The following WARS2 variants were observed in gnomAD, a reference collection of about 807,000 sequenced individuals.
The protein encoded by WARS2 is tryptophan--tRNA ligase, mitochondrial.
A neutral mutation model predicts 36.5 loss-of-function variants in WARS2; 28 were observed. That is an observed-to-expected ratio of 0.77 (90% CI 0.57 to 1.05). The LOEUF is 1.05. WARS2 is among the 50% of genes least tolerant of loss of function. The pLI is 0.00. For synonymous variants in WARS2, 174 were observed against 178.4 expected (o/e 0.98, Z 0.20); for missense variants, 435 against 456.8 (o/e 0.95, Z 0.44).
chr1:119,094,338 C>T (rs1204017486), intron 1 of WARS2, among the ~76,000 whole-genome samples: 1 of 152,062 alleles, frequency 6.6e-6, no homozygotes, highest in Non-Finnish European at 1.5e-5. Flanking sequence ...TGCGCTATTT[C>T]AACTTCCATG....
At chr1:119,061,883 T>C (rs993660799) in intron 2 of WARS2, among the ~76,000 whole-genome samples, 3 of 152,270 alleles carry the variant, frequency 2.0e-5, no homozygotes, top group Non-Finnish European at 2.9e-5. Context: ...CTAGGCAACA[T>C]TGCTTATGAT....
chr1:119,140,215 G>A (rs997900961), intron 1 of WARS2: 1 of 221,056 alleles, frequency 4.5e-6, no homozygotes, highest in African/African-American at 2.3e-5. Context: ...CACAAGAAGA[G>A]CAGTCTCTAA....
chr1:119,042,191 C>T (rs1648426037), intron 4 of WARS2, 73 bp downstream of exon 4: 1 of 1,418,450 alleles, frequency 7.0e-7, no homozygotes, highest in Non-Finnish European at 9.9e-7. Flanking sequence ...TGAACCAAGT[C>T]TGTATTGAAT....
At chr1:119,047,036 C>A (rs1296882731) in intron 2 of WARS2, among the ~76,000 whole-genome samples, 1 of 152,114 alleles carries the variant, frequency 6.6e-6, no homozygotes, top group African/African-American at 2.4e-5. Flanking sequence ...TTTTGCAAGT[C>A]CCTGGGCTGA....
intron 2 of WARS2, among the ~76,000 whole-genome samples, chr1:119,056,131 G>A (rs1021354105): frequency 2.0e-5 from 3 of 148,380 alleles, no homozygotes; most frequent in Non-Finnish European, 3.0e-5. Flanking sequence ...CGATTCTCCT[G>A]CCTTAGCCCC....
chr1:119,065,042 T>A (rs1015439919), intron 2 of WARS2, among the ~76,000 whole-genome samples: 16 of 152,142 alleles, frequency 1.1e-4, no homozygotes, highest in Admixed American at 9.8e-4. Flanking sequence ...TTGATTAATA[T>A]GTAATGACAT....
intron 4 of WARS2, among the ~76,000 whole-genome samples, chr1:119,038,323 G>A (rs769842170): frequency 2.0e-5 from 3 of 152,142 alleles, no homozygotes; most frequent in Admixed American, 1.3e-4. Flanking sequence ...AGGCTCAACC[G>A]GCCTCACAAA....
At chr1:119,097,756 C>T (rs921374211) in intron 1 of WARS2, among the ~76,000 whole-genome samples, 3 of 152,116 alleles carry the variant, frequency 2.0e-5, no homozygotes, top group African/African-American at 7.2e-5. Flanking sequence ...ACCAACAGAG[C>T]GGAGATTCAA....
At chr1:119,082,049 T>C (rs587742266) in intron 1 of WARS2, among the ~76,000 whole-genome samples, 1 of 152,154 alleles carries the variant, frequency 6.6e-6, no homozygotes, top group African/African-American at 2.4e-5. Context: ...TAATTCAGTA[T>C]AAGAGAAAGA....
chr1:119,033,117 G>A lies in WARS2; in HGVS notation c.877C>T (p.Arg293Cys), dbSNP rs374026714. The change falls in exon 6 of 6, where the codon CGC becomes TGC. Residue 293 changes from arginine to cysteine, a missense_variant. Transcript: ENST00000235521. ...TGLSVEEVVR[R>C]SAGMNTARYK... Reference sequence around the variant, plus strand: ...CGAGCAGTGTTCATGCCCGCGCTGCGGCGCACCACTTCCTCCACGGAGAGC... The same window carrying A: ...CGAGCAGTGTTCATGCCCGCGCTGCAGCGCACCACTTCCTCCACGGAGAGC... The A allele has an allele frequency of 8.7e-6, 14 of 1,614,008 alleles. No individual in the cohort carries two copies. The African/African-American group carries it at 9.3e-5, about 11-fold the overall frequency.
intron 2 of WARS2, among the ~76,000 whole-genome samples, chr1:119,058,587 C>T (rs1444208717): frequency 7.9e-6 from 1 of 126,712 alleles, no homozygotes. Context: ...CGATAGTTTA[C>T]TGAGAATGAT....
chr1:119,131,458 G>GTTTTTTTTTTTTTTTTTTTT (rs761800862), intron 1 of WARS2, among the ~76,000 whole-genome samples: 2 of 134,302 alleles, frequency 1.5e-5, no homozygotes, highest in Non-Finnish European at 3.2e-5. Context: ...AAAGTTTTTT[G>GTTTTTTTTTTTTTTTTTTTT]TTTTTTGTTT....
rs1167454765 is a variant in WARS2, at chr1:119,033,043, A to G, written c.951T>C (p.Ile317=). Reference sequence around the variant, plus strand: ...GCTTCAGTTTTTCAATTTCACGCTTAATTGGGGCAAACTTCTCAATCACAG... The same window carrying G: ...GCTTCAGTTTTTCAATTTCACGCTTGATTGGGGCAAACTTCTCAATCACAG... The part of the protein sequence containing the change: ...ADAVIEKFAP[I]KREIEKLKLD... Residue 317 remains isoleucine, a synonymous_variant, in exon 6 of 6, where the codon ATT becomes ATC. Coordinates refer to ENST00000235521, the MANE Select transcript of WARS2 (RefSeq NM_015836.4). 5.0e-6 allele frequency: 8 copies of G among 1,614,250 alleles called. No homozygotes were observed. Among genetic ancestry groups the G allele is most frequent in the Non-Finnish European group, 6.8e-6 (8 of 1,180,048 alleles).
chr1:119,086,972 A>T (rs1391500206), intron 1 of WARS2, among the ~76,000 whole-genome samples: 1 of 152,018 alleles, frequency 6.6e-6, no homozygotes, highest in Non-Finnish European at 1.5e-5. Context: ...TTGGTCATTA[A>T]GCCCTAACAA....
chr1:119,140,513 G>C, intron 1 of WARS2, 42 bp downstream of exon 1: 1 of 1,584,758 alleles, frequency 6.3e-7, no homozygotes, highest in Non-Finnish European at 8.6e-7. Flanking sequence ...GAAGAACCTC[G>C]CGGGATGGGA....
intron 2 of WARS2, chr1:119,047,475 C>T (rs888658973): frequency 6.6e-6 from 1 of 152,184 alleles, no homozygotes; most frequent in African/African-American, 2.4e-5. Context: ...TTTATTTGGA[C>T]ATATGGAATG....
intron 1 of WARS2, chr1:119,126,624 C>G (rs587596789): frequency 4.3e-6 from 3 of 691,462 alleles, no homozygotes; most frequent in Non-Finnish European, 8.0e-6. Context: ...TTTTCCAAAA[C>G]TATTACCTTC....
intron 1 of WARS2, among the ~76,000 whole-genome samples, chr1:119,136,971 A>T (rs929417681): frequency 2.6e-5 from 4 of 152,160 alleles, no homozygotes; most frequent in Non-Finnish European, 5.9e-5. Context: ...ACTGAGAGAC[A>T]TTCTACAAAA....
chr1:119,122,881 G>A (rs1655415919), intron 1 of WARS2, among the ~76,000 whole-genome samples: 1 of 152,066 alleles, frequency 6.6e-6, no homozygotes, highest in Admixed American at 6.6e-5. Context: ...TGGGGACTTG[G>A]GGAAATGGGT....
Sources: allele counts gnomAD v4.1 joint callset (sites outside exome capture counted in the v4.1 genomes callset), GRCh38; gene constraint gnomAD v4.1.1; transcripts MANE v1.5; gene names NCBI Gene and HGNC (gene_info 2026-07-23, HGNC 2026-07-21).